Variants in PLXDC2 observed in about 807,000 individuals in gnomAD.
PLXDC2 encodes the protein plexin domain-containing protein 2.
Under a neutral mutation model 68.9 loss-of-function variants are expected in PLXDC2, and 40 were observed. The ratio of observed to expected loss-of-function variants is 0.58; its 90% CI spans 0.45 to 0.76. PLXDC2 has a LOEUF of 0.76. PLXDC2 is among the 30% of genes least tolerant of loss of function. PLXDC2 has a pLI of 0.00. For synonymous variants in PLXDC2, 243 were observed against 234.2 expected (o/e 1.04, Z -0.34); for missense variants, 644 against 661.9 (o/e 0.97, Z 0.30).
In PLXDC2 at chr10:20,282,961, A is replaced by T. The variant is rs1042303862; in HGVS notation, c.*3142A>T. 2 of 152,236 alleles carry T rather than the reference A, an allele frequency of 1.3e-5. No individual in the cohort carries two copies. The highest frequency in any genetic ancestry group is 2.4e-5 in the African/African-American group (1 of 41,464). 9.4% of individuals were successfully genotyped at this position (152,236 alleles called of 1,614,324 possible). ...AATTAAAATTAATTAAAATTAAATT[A>T]AAAATGTAATTCTTCAGTCACACCA... On this transcript the variant is annotated 3_prime_UTR_variant, in exon 14 of 14. Transcript: ENST00000377252.
chr10:20,240,902 A>G (rs1835506817), intron 12 of PLXDC2, among the ~76,000 whole-genome samples: 1 of 152,178 alleles, frequency 6.6e-6, no homozygotes, highest in Admixed American at 6.5e-5. Flanking sequence ...TCCTTAAATG[A>G]CTTGCTCTGT....
At chr10:19,972,569 G>A (rs72789631) in intron 1 of PLXDC2, among the ~76,000 whole-genome samples, 7,932 of 151,952 alleles carry the variant, frequency 0.052, 264 homozygotes, top group Middle Eastern at 0.086. Context: ...TGTAACAAAC[G>A]TGCACACACA....
At chr10:20,090,129 A>G (rs1014402989) in intron 4 of PLXDC2, among the ~76,000 whole-genome samples, 2 of 152,212 alleles carry the variant, frequency 1.3e-5, no homozygotes, top group African/African-American at 4.8e-5. Context: ...CACAGAGCCC[A>G]CAGATGTTCA....
chr10:19,819,626 A>AT (rs1181139656), intron 1 of PLXDC2, among the ~76,000 whole-genome samples: 1 of 152,208 alleles, frequency 6.6e-6, no homozygotes, highest in African/African-American at 2.4e-5. Context: ...AGTTGATTTC[A>AT]TTGCCACCAG....
At chr10:20,174,291 T>C (rs1457185689) in intron 7 of PLXDC2, among the ~76,000 whole-genome samples, 3 of 146,364 alleles carry the variant, frequency 2.0e-5, no homozygotes, top group Non-Finnish European at 4.5e-5. Flanking sequence ...GAGCCATCTT[T>C]TTATTTGTCT....
At chr10:20,247,367 C>A (rs1168940566) in intron 13 of PLXDC2, among the ~76,000 whole-genome samples, 7 of 151,256 alleles carry the variant, frequency 4.6e-5, no homozygotes, top group Non-Finnish European at 1.5e-5. Context: ...GTCCAAGCTA[C>A]TTGGGAGGCT....
chr10:20,234,958 T>C (rs1835414384), intron 12 of PLXDC2, among the ~76,000 whole-genome samples: 1 of 152,166 alleles, frequency 6.6e-6, no homozygotes, highest in Non-Finnish European at 1.5e-5. Flanking sequence ...ACCAAAGAAC[T>C]TGAGATTGAT....
chr10:20,136,243 T>G (rs775154638), intron 4 of PLXDC2, among the ~76,000 whole-genome samples: 70 of 152,212 alleles, frequency 4.6e-4, no homozygotes, highest in Non-Finnish European at 8.1e-4. Flanking sequence ...GTAAAACCTG[T>G]CATTGTGCTG....
At chr10:20,041,493 T>G (rs1589600823) in intron 2 of PLXDC2, among the ~76,000 whole-genome samples, 2 of 152,198 alleles carry the variant, frequency 1.3e-5, no homozygotes, top group South Asian at 4.1e-4. Context: ...TAGGAAATTT[T>G]GTAGTACTCA....
intron 1 of PLXDC2, among the ~76,000 whole-genome samples, chr10:19,831,218 T>C (rs1032531498): frequency 3.3e-5 from 5 of 152,190 alleles, no homozygotes; most frequent in Non-Finnish European, 4.4e-5. Flanking sequence ...TTCTTCTCTG[T>C]TGGTTTTCTT....
intron 1 of PLXDC2, among the ~76,000 whole-genome samples, chr10:19,975,359 G>A (rs997551454): frequency 2.6e-5 from 4 of 152,142 alleles, no homozygotes; most frequent in African/African-American, 7.2e-5. Context: ...TCGGGAGGCC[G>A]AGGCAGGAGA....
At chr10:20,249,309 A>G (rs1835640212) in intron 13 of PLXDC2, among the ~76,000 whole-genome samples, 1 of 152,188 alleles carries the variant, frequency 6.6e-6, no homozygotes, top group South Asian at 2.1e-4. Flanking sequence ...TCAGATGAAG[A>G]CTGTGTGTTA....
At chr10:19,996,153 A>G (rs1389463064) in intron 1 of PLXDC2, among the ~76,000 whole-genome samples, 1 of 152,184 alleles carries the variant, frequency 6.6e-6, no homozygotes, top group Non-Finnish European at 1.5e-5. Context: ...ACATAAGACT[A>G]GATAGGGCTG....
At chr10:19,976,309 G>A (rs1303871555) in intron 1 of PLXDC2, among the ~76,000 whole-genome samples, 1 of 152,056 alleles carries the variant, frequency 6.6e-6, no homozygotes, top group Non-Finnish European at 1.5e-5. Context: ...TGCCTCCGAG[G>A]TTCAAGTGAT....
chr10:20,199,165 A>C (rs942508411), intron 9 of PLXDC2, among the ~76,000 whole-genome samples: 3 of 152,076 alleles, frequency 2.0e-5, no homozygotes, highest in Admixed American at 6.6e-5. Flanking sequence ...AATTAGTAGC[A>C]CTGGTACTGA....
At chr10:20,275,885 C>T (rs550327345) in intron 13 of PLXDC2, among the ~76,000 whole-genome samples, 3 of 152,008 alleles carry the variant, frequency 2.0e-5, no homozygotes, top group Non-Finnish European at 4.4e-5. Flanking sequence ...TGCTCTCCAG[C>T]CTGGCCAACA....
chr10:20,265,498 A>T lies in PLXDC2; in HGVS notation c.1474-14205A>T, dbSNP rs140833145. On this transcript the variant is annotated intron_variant, in intron 13 of 13. Coordinates refer to ENST00000377252, the MANE Select transcript of PLXDC2 (RefSeq NM_032812.9). Reference sequence around the variant, plus strand: ...TATGTGTGTTACTCCATCTATATTTATTAAACAGCAATTGGTAATTTACAC... The same window carrying T: ...TATGTGTGTTACTCCATCTATATTTTTTAAACAGCAATTGGTAATTTACAC... Among the ~76,000 whole-genome samples the T allele has an allele frequency of 5.2e-3, 786 of 152,312 alleles. 7 individuals are homozygous for T. Among genetic ancestry groups the T allele is most frequent in the African/African-American group, 0.018 (733 of 41,566 alleles).
At chr10:20,227,468 A>T (rs1005173093) in intron 12 of PLXDC2, among the ~76,000 whole-genome samples, 1 of 152,144 alleles carries the variant, frequency 6.6e-6, no homozygotes. Flanking sequence ...ACATAGAAAG[A>T]GGTTCAGAAG....
chr10:19,997,815 A>T (rs570248453), intron 1 of PLXDC2, among the ~76,000 whole-genome samples: 37 of 152,298 alleles, frequency 2.4e-4, no homozygotes, highest in Admixed American at 7.2e-4. Flanking sequence ...TTTCCTACTC[A>T]TGTTTATTGG....
Sources: gnomAD v4.1 joint callset for allele counts (sites outside exome capture counted in the v4.1 genomes callset) on GRCh38, gnomAD v4.1.1 for gene constraint, MANE v1.5 for transcripts, NCBI Gene and HGNC (gene_info 2026-07-23, HGNC 2026-07-21) for gene names.